ADGRF5: variants seen among roughly 807,000 people sequenced by gnomAD.
ADGRF5 encodes the protein adhesion G protein-coupled receptor F5.
In ADGRF5, 75 loss-of-function variants were observed where a neutral mutation model predicts 132.3. The observed-to-expected ratio is 0.57, with a 90% confidence interval of 0.47 to 0.69. The LOEUF (loss-of-function observed/expected upper bound fraction) is 0.69. ADGRF5 is among the 30% of genes least tolerant of loss of function. ADGRF5 has a pLI of 0.00. For missense variants in ADGRF5, 1,516 were observed against 1,630.6 expected (o/e 0.93, Z 1.21); for synonymous variants, 629 against 597.6 (o/e 1.05, Z -0.77).
intron 1 of ADGRF5, among the ~76,000 whole-genome samples, chr6:46,928,859 T>A (rs890195610): frequency 3.9e-5 from 6 of 152,120 alleles, no homozygotes; most frequent in African/African-American, 1.2e-4. Context: ...CTGGAGAGGA[T>A]GTGGAGAAAT....
rs67565937 is a variant in ADGRF5, at chr6:46,862,703, C to CTTTTTTTT, written c.2199+177_2199+184dup. 4.7e-3 allele frequency among the ~76,000 whole-genome samples: 124 copies of CTTTTTTTT among 26,510 alleles called. 9 individuals carry two copies. The highest frequency in any genetic ancestry group is 7.7e-3 in the East Asian group (4 of 522). 17.4% of individuals were successfully genotyped at this position (26,510 alleles called of 152,430 possible). The stretch of plus-strand genomic sequence containing the variant: ...AGTTGTCTTAGTATTTGAATTGAGG[C>CTTTTTTTT]TTTTTTTTTTTTTTTTTTTTTTTTT... On this transcript the variant is annotated intron_variant, in intron 15 of 20. Coordinates refer to ENST00000283296, the MANE Select transcript of ADGRF5 (RefSeq NM_001098518.2).
At chr6:46,937,872 G>T (rs1777908125) in intron 1 of ADGRF5, among the ~76,000 whole-genome samples, 1 of 152,116 alleles carries the variant, frequency 6.6e-6, no homozygotes, top group African/African-American at 2.4e-5. Context: ...TCCAGGTAAG[G>T]CAGCATGAAC....
chr6:46,854,125 G>A, intron 20 of ADGRF5, 54 bp from the exon 21 acceptor site: 4 of 1,305,126 alleles, frequency 3.1e-6, no homozygotes, highest in Non-Finnish European at 4.3e-6. Flanking sequence ...TGAACTCTGG[G>A]GTGTGAACAT....
intron 4 of ADGRF5, among the ~76,000 whole-genome samples, chr6:46,887,304 C>T (rs956830082): frequency 3.3e-5 from 5 of 152,102 alleles, no homozygotes; most frequent in African/African-American, 9.7e-5. Flanking sequence ...AGATCTGTGC[C>T]GGGTGGGAAC....
At position 46,878,293 on chromosome 6, in the gene ADGRF5, G is replaced by A. The variant is rs376482786; in HGVS notation, c.1149C>T (p.Asp383=). 6.2e-7 allele frequency: 1 copy of A among 1,613,340 alleles called. No homozygotes were observed. The highest frequency in any genetic ancestry group is 8.5e-7 in the Non-Finnish European group (1 of 1,179,432). ...LANEEMKVMC[D]NNPVSLNCCS... is the part of the protein sequence containing the mutation. ...AGCAGTTCAAAGATACAGGATTGTTGTCGCACATCACCTTCATTTCTTCAT... is the reference window on the plus strand; with the variant it reads ...AGCAGTTCAAAGATACAGGATTGTTATCGCACATCACCTTCATTTCTTCAT... Residue 383 remains aspartate, a synonymous_variant, in exon 10 of 21, where the codon GAC becomes GAT. Transcript: ENST00000283296.
At chr6:46,857,412 T>C (rs1358176831) in intron 17 of ADGRF5, among the ~76,000 whole-genome samples, 6 of 152,110 alleles carry the variant, frequency 3.9e-5, no homozygotes, top group African/African-American at 1.2e-4. Context: ...AAGTTTACAG[T>C]GGCCTCAATC....
intron 16 of ADGRF5, among the ~76,000 whole-genome samples, chr6:46,859,762 C>T (rs1211911620): frequency 2.0e-5 from 3 of 152,100 alleles, no homozygotes; most frequent in African/African-American, 7.2e-5. Flanking sequence ...GAGAGTCACA[C>T]CCACTACACA....
chr6:46,913,069 A>G (rs1776099288), intron 1 of ADGRF5, among the ~76,000 whole-genome samples: 1 of 152,174 alleles, frequency 6.6e-6, no homozygotes, highest in Non-Finnish European at 1.5e-5. Context: ...GACTGTCTTG[A>G]TAAATTCTTC....
At chr6:46,922,339 T>G (rs1777016540), upstream of ADGRF5, among the ~76,000 whole-genome samples, 2 of 152,144 alleles carry the variant, frequency 1.3e-5, no homozygotes, top group Admixed American at 1.3e-4. Flanking sequence ...AGAAGAGACC[T>G]AGAGAAGTTG....
At chr6:46,898,190 C>T (rs1774380664) in intron 3 of ADGRF5, among the ~76,000 whole-genome samples, 1 of 152,198 alleles carries the variant, frequency 6.6e-6, no homozygotes, top group Non-Finnish European at 1.5e-5. Context: ...TCATAAACAG[C>T]CTGGCTCAGA....
At chr6:46,920,528 G>GC (rs888422553) in intron 1 of ADGRF5, among the ~76,000 whole-genome samples, 2 of 132,426 alleles carry the variant, frequency 1.5e-5, no homozygotes, top group Admixed American at 7.8e-5. Flanking sequence ...ATAATATTTG[G>GC]GGGGGGGGAA....
At chr6:46,948,475 A>AGT (rs3030417) in intron 1 of ADGRF5, among the ~76,000 whole-genome samples, 7,823 of 143,236 alleles carry the variant, frequency 0.055, 236 homozygotes, top group Middle Eastern at 0.15. Context: ...TGCTCTAGTG[A>AGT]GTGTGTGTGT....
In ADGRF5 at chr6:46,856,024, G is replaced by A; in HGVS notation, c.3911C>T (p.Ser1304Phe). 1 of 1,603,246 alleles carries A rather than the reference G, an allele frequency of 6.2e-7. No homozygotes were observed. Among genetic ancestry groups the A allele is most frequent in the Non-Finnish European group, 8.5e-7 (1 of 1,172,234 alleles). ...TSLGSSTPVF[S>F]MSSPISRRFN... The stretch of plus-strand genomic sequence containing the variant: ...TCTCCTTGATATTGGAGAACTCATA[G>A]AAAACACAGGTGTGGATGAACCCAG... Residue 1304 changes from serine to phenylalanine, a missense_variant, in exon 20 of 21, where the codon TCT becomes TTT. Coordinates refer to ENST00000283296, the MANE Select transcript of ADGRF5 (RefSeq NM_001098518.2).
intron 3 of ADGRF5, among the ~76,000 whole-genome samples, chr6:46,893,747 C>CT (rs1240311086): frequency 1.3e-5 from 2 of 152,146 alleles, no homozygotes; most frequent in East Asian, 3.9e-4. Flanking sequence ...TTCTGGCTCG[C>CT]TGATGCCCTA....
At chr6:46,938,768 A>G (rs983173297) in intron 1 of ADGRF5, among the ~76,000 whole-genome samples, 6 of 152,208 alleles carry the variant, frequency 3.9e-5, no homozygotes, top group African/African-American at 1.4e-4. Context: ...TGCAAACCAA[A>G]TTCTGAAAAC....
At chr6:46,953,040 T>G (rs1186451471) in intron 1 of ADGRF5, among the ~76,000 whole-genome samples, 1 of 152,072 alleles carries the variant, frequency 6.6e-6, no homozygotes, top group African/African-American at 2.4e-5. Flanking sequence ...ATTCAAATAT[T>G]AGGGAAATGC....
At chr6:46,949,633 A>G (rs1435655226) in intron 1 of ADGRF5, among the ~76,000 whole-genome samples, 2 of 152,300 alleles carry the variant, frequency 1.3e-5, no homozygotes, top group East Asian at 3.9e-4. Flanking sequence ...TCTTTTTCAC[A>G]TTTTAAAGTT....
At position 46,853,797 on chromosome 6, in the gene ADGRF5, G is replaced by A; in HGVS notation, c.*195C>T. On this transcript the variant is annotated 3_prime_UTR_variant, in exon 21 of 21. Coordinates refer to ENST00000283296, the MANE Select transcript of ADGRF5 (RefSeq NM_001098518.2). ...GGTATCACACAAGGGGGAGGGGGAG[G>A]GAACAAACAGAAACATAACAATTAT... 1 of 447,390 alleles carries A rather than the reference G, an allele frequency of 2.2e-6. No homozygotes were observed. Among genetic ancestry groups the A allele is most frequent in the Non-Finnish European group, 4.0e-6 (1 of 252,680 alleles). 27.7% of individuals were successfully genotyped at this position (447,390 alleles called of 1,614,324 possible).
intron 1 of ADGRF5, among the ~76,000 whole-genome samples, chr6:46,951,009 T>C (rs989269707): frequency 2.0e-5 from 3 of 152,186 alleles, no homozygotes; most frequent in African/African-American, 7.2e-5. Flanking sequence ...AAAAGAAATA[T>C]TGAGCCAGAT....
Sources: gnomAD v4.1 joint callset for allele counts (sites outside exome capture counted in the v4.1 genomes callset) on GRCh38, gnomAD v4.1.1 for gene constraint, MANE v1.5 for transcripts, NCBI Gene and HGNC (gene_info 2026-07-23, HGNC 2026-07-21) for gene names.